The following SEC24B variants were observed in gnomAD, a reference collection of about 807,000 sequenced individuals.
The protein encoded by SEC24B is SEC24 homolog B, COPII component.
In SEC24B, 45 loss-of-function variants were observed where a neutral mutation model predicts 142.8. The observed-to-expected ratio is 0.32, with a 90% CI of 0.25 to 0.40. The LOEUF is 0.40. Among genes scored for constraint, SEC24B ranks in the 10% least tolerant of loss-of-function variants. SEC24B has a pLI of 1.00. For missense variants in SEC24B, 1,409 were observed against 1,526.8 expected, an observed-to-expected ratio of 0.92 and a Z score of 1.29; for synonymous variants, 574 against 568.2, an observed-to-expected ratio of 1.01 and a Z score of -0.15.
In SEC24B at chr4:109,481,743, C is replaced by G. The variant is rs1234276513; in HGVS notation, c.1127C>G (p.Ser376Cys). 1.2e-6 allele frequency: 2 copies of G among 1,613,744 alleles called. No homozygotes were observed. Among genetic ancestry groups the G allele is most frequent in the Non-Finnish European group, 8.5e-7 (1 of 1,179,752 alleles). Reference protein sequence around the residue: ...SSAPTPLSSTSDDEEEEEEDE... With the variant: ...SSAPTPLSSTCDDEEEEEEDE... ...GCACCAACTCCCTTGTCATCAACTT[C>G]CGATGATGAGGAAGAGGAGGAGGAG... Residue 376 changes from serine to cysteine, a missense_variant, in exon 4 of 24, where the codon TCC (serine) becomes TGC (cysteine). Around this residue, in one of 2 missense-constraint regions of SEC24B, gnomAD observed 709 missense variants for 673.5 expected, o/e 1.05. Coordinates refer to ENST00000265175, the MANE Select transcript of SEC24B (RefSeq NM_006323.5).
chr4:109,482,822 G>A (rs1294134353), intron 4 of SEC24B, among the ~76,000 whole-genome samples: 1 of 148,126 alleles, frequency 6.8e-6, no homozygotes, highest in Non-Finnish European at 1.5e-5. Flanking sequence ...TGTAGAGATG[G>A]GGTTTCGCCA....
chr4:109,539,766 T>C lies in SEC24B; in HGVS notation c.*91T>C. 1 of 807,906 alleles carries C rather than the reference T, an allele frequency of 1.2e-6. No homozygotes were observed. Among genetic ancestry groups the C allele is most frequent in the Non-Finnish European group, 2.0e-6 (1 of 488,364 alleles). The allele number at this position is 807,906 out of a possible 1,614,324, so 50.0% of individuals were successfully genotyped here. On this transcript the variant is annotated 3_prime_UTR_variant, in exon 24 of 24. Transcript: ENST00000265175. ...GCGTGAGAAATTTGAAATGAAGGCATTTGTTAATACAAGATGCAACGCACA... is the reference window on the plus strand; with the variant it reads ...GCGTGAGAAATTTGAAATGAAGGCACTTGTTAATACAAGATGCAACGCACA...
At position 109,464,260 on chromosome 4, in the gene SEC24B, A is replaced by G. The variant is rs1349904551; in HGVS notation, c.877+616A>G. Among the ~76,000 whole-genome samples, 8 of 151,392 alleles carry G rather than the reference A, an allele frequency of 5.3e-5. 1 individual carries two copies. In the East Asian group the frequency reaches 1.5e-3, roughly 29 times the overall value. ...AACCAAGGTGTTGTTAAATTTTTTC[A>G]TTTAAAAATTATGTATGTAAGACGT... On this transcript the variant is annotated intron_variant, in intron 2 of 23. Transcript: ENST00000265175.
At chr4:109,463,910 T>C (rs760237545) in intron 2 of SEC24B, among the ~76,000 whole-genome samples, 1 of 152,196 alleles carries the variant, frequency 6.6e-6, no homozygotes, top group Non-Finnish European at 1.5e-5. Flanking sequence ...CTGCAATAGT[T>C]GTCTTTAATG....
intron 19 of SEC24B, 138 bp downstream of exon 19, chr4:109,530,602 A>G (rs1724797720): frequency 2.6e-6 from 2 of 757,474 alleles, no homozygotes; most frequent in African/African-American, 1.8e-5. Flanking sequence ...GTTTTGAAGA[A>G]TAGAAAAAGA....
At position 109,513,897 on chromosome 4, in the gene SEC24B, C is replaced by G. The variant is rs746453524; in HGVS notation, c.2013+41C>G. ...TAAGATTTGTTATGGAACACAATTACATTGGTCATTTGTAATTTTCTGTTA... is the reference window on the plus strand; with the variant it reads ...TAAGATTTGTTATGGAACACAATTAGATTGGTCATTTGTAATTTTCTGTTA... On this transcript the variant is annotated intron_variant, in intron 10 of 23. Transcript: ENST00000265175. 2.8e-5 allele frequency: 35 copies of G among 1,256,510 alleles called. No homozygotes were observed. In the East Asian group the frequency reaches 6.0e-4, roughly 22 times the overall value. The allele number at this position is 1,256,510 out of a possible 1,614,324, so 77.8% of individuals were successfully genotyped here. A position where few individuals can be genotyped will look rare whatever the true frequency, so the allele number is the denominator to read the frequency against.
chr4:109,485,942 G>A (rs1734305026), intron 4 of SEC24B, among the ~76,000 whole-genome samples: 1 of 152,192 alleles, frequency 6.6e-6, no homozygotes, highest in Non-Finnish European at 1.5e-5. Context: ...TGGAGAATCA[G>A]AAGTTACTGG....
At chr4:109,461,472 T>C (rs574020662) in intron 1 of SEC24B, among the ~76,000 whole-genome samples, 1 of 152,326 alleles carries the variant, frequency 6.6e-6, no homozygotes, top group African/African-American at 2.4e-5. Flanking sequence ...AATAATGTTA[T>C]ATCTCTACAA....
chr4:109,481,813 T>C, intron 4 of SEC24B, 32 bp downstream of exon 4: 1 of 1,512,772 alleles, frequency 6.6e-7, no homozygotes, highest in Middle Eastern at 1.7e-4. Context: ...GTTCTTGATC[T>C]TTTCCTGCTC....
At chr4:109,512,686 C>T (rs571045736) in intron 9 of SEC24B, among the ~76,000 whole-genome samples, 6 of 150,320 alleles carry the variant, frequency 4.0e-5, no homozygotes, top group South Asian at 2.1e-4. Context: ...GACAGGGTCT[C>T]GCTCTGTCAC....
rs563413289 is a variant in SEC24B at position 109,505,752 on chromosome 4, A to G, written c.1489-576A>G. ...GTATAAAATAGTGTGTAAGAAAGCA[A>G]GGAAACTATCAAAGGCTAGTTAGGT... is the stretch of plus-strand genomic sequence containing the variant. On this transcript the variant is annotated intron_variant, in intron 6 of 23. Transcript: ENST00000265175. Among the ~76,000 whole-genome samples the G allele has an allele frequency of 3.3e-5, 5 of 152,306 alleles. No individual in the cohort carries two copies. The South Asian group carries it at 1.0e-3, about 32-fold the overall frequency.
At position 109,527,306 on chromosome 4, in the gene SEC24B, A is replaced by G. The variant is rs750937477; in HGVS notation, c.2966-16A>G. The G allele has an allele frequency of 2.6e-6, 4 of 1,543,610 alleles. No individual in the cohort carries two copies. The highest frequency in any genetic ancestry group is 1.2e-5 in the South Asian group (1 of 86,032). ...TCCTTTTTGATCTAATGTATTTTCAATGACTTTTTTTTTAGGTGAGCGGAG... is the reference window on the plus strand; with the variant it reads ...TCCTTTTTGATCTAATGTATTTTCAGTGACTTTTTTTTTAGGTGAGCGGAG... On this transcript the variant is annotated splice_polypyrimidine_tract_variant and intron_variant, in intron 17 of 23. Coordinates refer to ENST00000265175, the MANE Select transcript of SEC24B (RefSeq NM_006323.5).
At chr4:109,478,153 G>A (rs1490254941) in intron 3 of SEC24B, among the ~76,000 whole-genome samples, 1 of 152,058 alleles carries the variant, frequency 6.6e-6, no homozygotes, top group African/African-American at 2.4e-5. Context: ...GGGCGTGATG[G>A]CACAGGCCTG....
At chr4:109,467,460 CTG>C (rs940915505) in intron 2 of SEC24B, among the ~76,000 whole-genome samples, 2 of 151,402 alleles carry the variant, frequency 1.3e-5, no homozygotes, top group Non-Finnish European at 2.9e-5. Flanking sequence ...AATTTTAAAA[CTG>C]TCACTGTAGT....
At position 109,526,219 on chromosome 4, in the gene SEC24B, T is replaced by C; in HGVS notation, c.2792-7T>C. ...AACTTGATTTTTTATGATTTTCTCC[T>C]TTTTAGGTCTTTCAATGCACACTTT... On this transcript the variant is annotated splice_polypyrimidine_tract_variant and splice_region_variant and intron_variant, in intron 16 of 23. Transcript: ENST00000265175. The C allele has an allele frequency of 6.2e-7, 1 of 1,612,202 alleles. No homozygotes were observed. Among genetic ancestry groups the C allele is most frequent in the South Asian group, 1.1e-5 (1 of 90,554 alleles).
chr4:109,494,880 C>T, intron 6 of SEC24B, 24 bp downstream of exon 6: 1 of 1,610,220 alleles, frequency 6.2e-7, no homozygotes, highest in Non-Finnish European at 8.5e-7. Flanking sequence ...CATATACACA[C>T]ATTGTAACAG....
chr4:109,463,670 A>G (rs1731554104), intron 2 of SEC24B, 26 bp downstream of exon 2: 2 of 1,593,876 alleles, frequency 1.3e-6, no homozygotes, highest in Non-Finnish European at 1.7e-6. Context: ...AGTTCACCAA[A>G]ACATGTTTGA....
chr4:109,491,092 T>C (rs1245624710), intron 4 of SEC24B, among the ~76,000 whole-genome samples: 2 of 152,198 alleles, frequency 1.3e-5, no homozygotes, highest in African/African-American at 4.8e-5. Context: ...ATACTTTACA[T>C]GTTTAACTGA....
At chr4:109,517,631 T>C (rs1246581479) in intron 11 of SEC24B, among the ~76,000 whole-genome samples, 1 of 152,220 alleles carries the variant, frequency 6.6e-6, no homozygotes. Context: ...TGTGAGGCAA[T>C]GCATATATTC....
Sources: gnomAD v4.1 joint callset for allele counts (sites outside exome capture counted in the v4.1 genomes callset) on GRCh38, gnomAD v4.1.1 for gene constraint, gnomAD v4.1.1 regional missense constraint, MANE v1.5 for transcripts, NCBI Gene and HGNC (gene_info 2026-07-23, HGNC 2026-07-21) for gene names.